Variants in MBTPS2 observed in about 807,000 individuals in gnomAD.
The protein encoded by MBTPS2 is membrane-bound transcription factor site-2 protease.
Under a neutral mutation model 35.4 loss-of-function variants are expected in MBTPS2, and 2 were observed. The observed-to-expected ratio is 0.06, with a 90% CI of 0.02 to 0.18. The LOEUF (loss-of-function observed/expected upper bound fraction) is 0.18. MBTPS2 is among the 10% of genes least tolerant of loss of function. The pLI is 1.00. For missense variants in MBTPS2, 244 were observed against 386.5 expected, an observed-to-expected ratio of 0.63 and a Z score of 3.09; for synonymous variants, 125 against 140.4, an observed-to-expected ratio of 0.89 and a Z score of 0.77.
intron 5 of MBTPS2, among the ~76,000 whole-genome samples, chrX:21,867,135 A>G (rs2092941161): frequency 8.9e-6 from 1 of 112,492 alleles, no homozygotes; most frequent in South Asian, 3.6e-4. Context: ...AAATAAACAA[A>G]TTGAAAGTAT....
At chrX:21,843,453 T>G in intron 2 of MBTPS2, 135 bp downstream of exon 2, 1 of 658,789 alleles carries the variant, frequency 1.5e-6, no homozygotes. Flanking sequence ...AACTTTCTGG[T>G]TTTATATAAC....
rs1602156259 is a variant in MBTPS2, at chrX:21,883,773, G to T, written c.*1118G>T. 2 of 753,839 alleles carry T rather than the reference G, an allele frequency of 2.7e-6. No homozygotes were observed. The highest frequency in any genetic ancestry group is 4.6e-5 in the African/African-American group (2 of 43,731). 62.1% of individuals were successfully genotyped at this position (753,839 alleles called of 1,213,427 possible). ...GGTAGTATAGTGAGAATGGCTATAC[G>T]TGAGTACAAACGTGGATTTTCCAGG... On this transcript the variant is annotated 3_prime_UTR_variant, in exon 11 of 11. Coordinates refer to ENST00000379484, the MANE Select transcript of MBTPS2 (RefSeq NM_015884.4).
chrX:21,873,999 G>GTATATATA (rs778982740), intron 7 of MBTPS2, among the ~76,000 whole-genome samples: 163 of 62,853 alleles, frequency 2.6e-3, no homozygotes, highest in Non-Finnish European at 4.2e-3. Flanking sequence ...GTGTGTGTGT[G>GTATATATA]TGTATATATA....
At chrX:21,868,416 T>C (rs764192629) in intron 5 of MBTPS2, 51 bp from the exon 6 acceptor site, 21 of 778,865 alleles carry the variant, frequency 2.7e-5, no homozygotes, top group Non-Finnish European at 3.8e-5. Flanking sequence ...CAGCTACTTA[T>C]ATCATTCCTG....
At chrX:21,878,754 G>C (rs1395225768) in intron 9 of MBTPS2, 62 bp downstream of exon 9, 7 of 738,735 alleles carry the variant, frequency 9.5e-6, no homozygotes, top group Admixed American at 7.0e-5. Flanking sequence ...CTCAGTGGTA[G>C]AGACTCACTA....
Position 21,867,860 on chromosome X carries a change from T to C in MBTPS2, c.671-607T>C, listed in dbSNP as rs185487984. Among the ~76,000 whole-genome samples the C allele has an allele frequency of 4.8e-4, 52 of 108,593 alleles. 1 individual carries two copies. Among genetic ancestry groups the C allele is most frequent in the East Asian group, 1.7e-3 (6 of 3,457 alleles). The allele number at this position is 108,593 out of a possible 115,157, so 94.3% of individuals were successfully genotyped here. ...TTCACCATGTTGGCCAAGCTGGTGT[T>C]GATCTCCTGACCTCGTGATCCGCCC... On this transcript the variant is annotated intron_variant, in intron 5 of 10. Transcript: ENST00000379484.
At chrX:21,861,788 A>G (rs1278538549) in intron 5 of MBTPS2, among the ~76,000 whole-genome samples, 1 of 110,960 alleles carries the variant, frequency 9.0e-6, no homozygotes, top group Non-Finnish European at 1.9e-5. Context: ...GTATCTGTAT[A>G]TAATAGAAAA....
At position 21,856,364 on chromosome X, in the gene MBTPS2, TCTCTGCAGCTCGCCCCTTC is replaced by T. The variant is rs60804526; in HGVS notation, c.670+2892_670+2910del. ...CGCCTTTCTCTGCAGCTCGCGCCTT[TCTCTGCAGCTCGCCCCTTC>T]CTCTGCAGCTCGCCCCTTCCTCTGC... On this transcript the variant is annotated intron_variant, in intron 5 of 10. Coordinates refer to ENST00000379484, the MANE Select transcript of MBTPS2 (RefSeq NM_015884.4). 3.3e-3 allele frequency: 2,069 copies of T among 631,515 alleles called. 54 individuals are homozygous for T. In the African/African-American group the frequency reaches 0.072, roughly 22 times the overall value. The allele number at this position is 631,515 out of a possible 1,213,427, so 52.0% of individuals were successfully genotyped here.
chrX:21,885,175 T>C lies in MBTPS2; in HGVS notation c.*2520T>C, dbSNP rs2092963415. On this transcript the variant is annotated 3_prime_UTR_variant, in exon 11 of 11. Coordinates refer to ENST00000379484, the MANE Select transcript of MBTPS2 (RefSeq NM_015884.4). ...AACTTGACCTTTTGATAATCGCTCT[T>C]ACAGGTCATTGTCTGTTCTAACAGC... is the stretch of plus-strand genomic sequence containing the variant. 1.3e-6 allele frequency: 1 copy of C among 754,071 alleles called. No homozygotes were observed. The highest frequency in any genetic ancestry group is 1.6e-6 in the Non-Finnish European group (1 of 638,970). 62.1% of individuals were successfully genotyped at this position (754,071 alleles called of 1,213,427 possible).
intron 5 of MBTPS2, chrX:21,858,821 C>G (rs2092927298): frequency 9.9e-6 from 1 of 100,688 alleles, no homozygotes; most frequent in Non-Finnish European, 2.0e-5. Flanking sequence ...CTGGGGAAGT[C>G]GAGGCTGCGG....
chrX:21,851,106 CA>C (rs765051300), intron 3 of MBTPS2, among the ~76,000 whole-genome samples: 4 of 111,739 alleles, frequency 3.6e-5, no homozygotes, highest in African/African-American at 6.5e-5. Flanking sequence ...GGAATTTTAA[CA>C]AGGATTCCCA....
chrX:21,857,324 C>G, intron 5 of MBTPS2: 1 of 1,212,168 alleles, frequency 8.2e-7, no homozygotes, highest in South Asian at 1.8e-5. Context: ...TCCACGGGCC[C>G]AGAGTCCACG....
chrX:21,851,461 C>T, intron 3 of MBTPS2, 48 bp from the exon 4 acceptor site: 1 of 775,213 alleles, frequency 1.3e-6, no homozygotes, highest in East Asian at 3.1e-5. Context: ...AAGTGGGACT[C>T]CCCTGCACCC....
At position 21,885,212 on chromosome X, in the gene MBTPS2, A is replaced by T. The variant is rs1388675464; in HGVS notation, c.*2557A>T. On this transcript the variant is annotated 3_prime_UTR_variant, in exon 11 of 11. Transcript: ENST00000379484. ...TCTGTTCTAACAGCAAATTGTAAAC[A>T]TGTGCTTCATAGATATTGTGGCTCT... 1 of 750,741 alleles carries T rather than the reference A, an allele frequency of 1.3e-6. No individual in the cohort carries two copies. Among genetic ancestry groups the T allele is most frequent in the African/African-American group, 2.3e-5 (1 of 43,173 alleles). The allele number at this position is 750,741 out of a possible 1,213,427, so 61.9% of individuals were successfully genotyped here.
At chrX:21,874,239 G>T (rs1427858905) in intron 7 of MBTPS2, among the ~76,000 whole-genome samples, 4 of 107,016 alleles carry the variant, frequency 3.7e-5, no homozygotes, top group African/African-American at 1.4e-4. Flanking sequence ...TGGCCAGGCT[G>T]TTCTCAAACT....
chrX:21,879,461 G>C (rs1236350847), intron 9 of MBTPS2, among the ~76,000 whole-genome samples: 1 of 110,851 alleles, frequency 9.0e-6, no homozygotes, highest in Non-Finnish European at 1.9e-5. Context: ...TTTGGGTTTT[G>C]TAGAGACGGA....
At chrX:21,857,806 G>C (rs2092925467) in intron 5 of MBTPS2, 3 of 413,377 alleles carry the variant, frequency 7.3e-6, no homozygotes, top group South Asian at 1.6e-4. Flanking sequence ...TAAGATAATA[G>C]TGCTAAGATG....
At chrX:21,859,862 G>T (rs1232008449) in intron 5 of MBTPS2, among the ~76,000 whole-genome samples, 2 of 111,384 alleles carry the variant, frequency 1.8e-5, no homozygotes, top group Non-Finnish European at 1.9e-5. Context: ...GAAGGCCAAG[G>T]TGGGTGGATC....
At chrX:21,839,870 C>CT in intron 1 of MBTPS2, 61 bp downstream of exon 1, 1 of 1,055,514 alleles carries the variant, frequency 9.5e-7, no homozygotes. Flanking sequence ...GCAAGGCCTT[C>CT]TTTTCTCTTC....
Sources: gnomAD v4.1 joint callset for allele counts (sites outside exome capture counted in the v4.1 genomes callset) on GRCh38, gnomAD v4.1.1 for gene constraint, MANE v1.5 for transcripts, NCBI Gene and HGNC (gene_info 2026-07-23, HGNC 2026-07-21) for gene names.